XKR4: variants seen among roughly 807,000 people sequenced by gnomAD.
XKR4 encodes the protein XK-related protein 4.
In XKR4, 12 loss-of-function variants were observed where a neutral mutation model predicts 53.9. The ratio of observed to expected loss-of-function variants is 0.22; its 90% CI spans 0.14 to 0.36. The LOEUF is 0.36. Ranked by LOEUF, XKR4 falls within the 10% of genes least tolerant of loss-of-function variation. The pLI, the probability that XKR4 is intolerant of heterozygous loss-of-function variation, is 1.00. For synonymous variants in XKR4, 354 were observed against 362.4 expected, an observed-to-expected ratio of 0.98 and a Z score of 0.26; for missense variants, 799 against 859.5, an observed-to-expected ratio of 0.93 and a Z score of 0.88.
intron 1 of XKR4, among the ~76,000 whole-genome samples, chr8:55,117,978 C>T (rs1816333571): frequency 6.6e-6 from 1 of 152,158 alleles, no homozygotes. Context: ...GGAGTGAAAT[C>T]AGATCATTTC....
chr8:55,430,538 T>A (rs1398234959), intron 2 of XKR4, among the ~76,000 whole-genome samples: 3 of 152,182 alleles, frequency 2.0e-5, no homozygotes, highest in Non-Finnish European at 2.9e-5. Flanking sequence ...AGGGAGGTGT[T>A]GTGGCTGAAA....
intron 1 of XKR4, among the ~76,000 whole-genome samples, chr8:55,234,872 G>A (rs1475516671): frequency 6.6e-6 from 1 of 152,172 alleles, no homozygotes; most frequent in Non-Finnish European, 1.5e-5. Context: ...AGAGCAGGGT[G>A]ACCGGGAACA....
At chr8:55,301,411 T>C (rs1476387929) in intron 1 of XKR4, among the ~76,000 whole-genome samples, 1 of 151,936 alleles carries the variant, frequency 6.6e-6, no homozygotes, top group African/African-American at 2.4e-5. Flanking sequence ...GACATTTGGG[T>C]TGGTTCCAAG....
At chr8:55,485,686 A>C (rs1806180578) in intron 2 of XKR4, among the ~76,000 whole-genome samples, 1 of 152,024 alleles carries the variant, frequency 6.6e-6, no homozygotes, top group African/African-American at 2.4e-5. Context: ...GGCGTGAACC[A>C]CCGTACCCGG....
intron 2 of XKR4, among the ~76,000 whole-genome samples, chr8:55,420,017 A>G (rs1804901258): frequency 6.6e-6 from 1 of 152,214 alleles, no homozygotes; most frequent in Non-Finnish European, 1.5e-5. Context: ...CACTCCAACA[A>G]TTGTTATAAA....
intron 1 of XKR4, among the ~76,000 whole-genome samples, chr8:55,288,265 G>A (rs1037899669): frequency 6.6e-6 from 1 of 152,126 alleles, no homozygotes; most frequent in African/African-American, 2.4e-5. Flanking sequence ...AAGGGCTTGG[G>A]GAAAGAGCTC....
intron 1 of XKR4, among the ~76,000 whole-genome samples, chr8:55,289,604 A>C (rs1373500252): frequency 8.3e-6 from 1 of 121,002 alleles, no homozygotes; most frequent in Non-Finnish European, 1.7e-5. Context: ...AAAGAAAGAA[A>C]GAAAGAAAGA....
intron 2 of XKR4, among the ~76,000 whole-genome samples, chr8:55,457,963 A>G (rs746288476): frequency 5.3e-5 from 8 of 152,154 alleles, no homozygotes; most frequent in Non-Finnish European, 1.0e-4. Context: ...AAACCATAAA[A>G]CGTTACTGTG....
chr8:55,393,073 C>T (rs558345489), intron 2 of XKR4, among the ~76,000 whole-genome samples: 1 of 151,456 alleles, frequency 6.6e-6, no homozygotes, highest in Non-Finnish European at 1.5e-5. Context: ...TTTAAAATGC[C>T]AAATAAAATA....
chr8:55,297,607 T>C (rs1819119427), intron 1 of XKR4, among the ~76,000 whole-genome samples: 1 of 152,202 alleles, frequency 6.6e-6, no homozygotes, highest in Non-Finnish European at 1.5e-5. Flanking sequence ...GGGAAAGTTA[T>C]ACAAATAAAG....
chr8:55,504,567 C>A (rs1426718330), intron 2 of XKR4, among the ~76,000 whole-genome samples: 1 of 151,980 alleles, frequency 6.6e-6, no homozygotes, highest in East Asian at 1.9e-4. Context: ...AAAGGTAATT[C>A]TTGAATGAAG....
intron 2 of XKR4, among the ~76,000 whole-genome samples, chr8:55,515,187 C>T (rs1317920470): frequency 6.6e-6 from 1 of 152,168 alleles, no homozygotes; most frequent in African/African-American, 2.4e-5. Context: ...AGTAGAAATC[C>T]TCCAAATGGA....
intron 2 of XKR4, chr8:55,451,614 C>T (rs1805447571): frequency 2.7e-6 from 4 of 1,498,244 alleles, no homozygotes; most frequent in African/African-American, 1.4e-5. Flanking sequence ...TGAAGCGGTT[C>T]TGGCGGTAGC....
chr8:55,510,160 G>A (rs1272675021), intron 2 of XKR4, among the ~76,000 whole-genome samples: 2 of 152,154 alleles, frequency 1.3e-5, no homozygotes, highest in East Asian at 3.9e-4. Context: ...CTGCAAGAAG[G>A]CCAGGCAGAA....
chr8:55,281,788 T>C (rs1818847742), intron 1 of XKR4, among the ~76,000 whole-genome samples: 1 of 152,170 alleles, frequency 6.6e-6, no homozygotes, highest in Non-Finnish European at 1.5e-5. Context: ...TATGATTTTT[T>C]CCCCCATATA....
chr8:55,281,383 T>C (rs963271871), intron 1 of XKR4, among the ~76,000 whole-genome samples: 2 of 152,200 alleles, frequency 1.3e-5, no homozygotes, highest in Non-Finnish European at 2.9e-5. Flanking sequence ...TATTGGTTGA[T>C]CAGCACCACA....
At chr8:55,407,359 G>A (rs949154278) in intron 2 of XKR4, among the ~76,000 whole-genome samples, 1 of 152,238 alleles carries the variant, frequency 6.6e-6, no homozygotes, top group African/African-American at 2.4e-5. Flanking sequence ...AGGAACTCCA[G>A]GCATTTGATT....
chr8:55,319,006 G>A (rs918739487), intron 1 of XKR4, among the ~76,000 whole-genome samples: 1 of 152,148 alleles, frequency 6.6e-6, no homozygotes, highest in Admixed American at 6.6e-5. Context: ...AAAGAGAGGT[G>A]CCTCCCATGA....
chr8:55,415,280 A>G (rs920142561), intron 2 of XKR4, among the ~76,000 whole-genome samples: 7 of 152,186 alleles, frequency 4.6e-5, no homozygotes, highest in African/African-American at 1.4e-4. Flanking sequence ...GGTTCATATA[A>G]GGCAGGGAGG....
Sources: gnomAD v4.1 joint callset for allele counts (sites outside exome capture counted in the v4.1 genomes callset) on GRCh38, gnomAD v4.1.1 for gene constraint, MANE v1.5 for transcripts, NCBI Gene and HGNC (gene_info 2026-07-23, HGNC 2026-07-21) for gene names.